Variants in PCDH15 observed in about 807,000 individuals in gnomAD.
PCDH15 encodes the protein protocadherin related 15.
Under a neutral mutation model 178.5 loss-of-function variants are expected in PCDH15, and 129 were observed. The observed-to-expected ratio is 0.72, with a 90% CI of 0.63 to 0.84. The LOEUF (loss-of-function observed/expected upper bound fraction) is 0.84, where lower values mean the gene tolerates loss of function less well. Ranked by LOEUF, PCDH15 falls within the 40% of genes least tolerant of loss-of-function variation. The pLI, the probability that PCDH15 is intolerant of heterozygous loss-of-function variation, is 0.00. For synonymous variants in PCDH15, 800 were observed against 732.0 expected, an observed-to-expected ratio of 1.09 and a Z score of -1.50; for missense variants, 2,230 against 2,099.9, an observed-to-expected ratio of 1.06 and a Z score of -1.21.
intron 9 of PCDH15, among the ~76,000 whole-genome samples, chr10:54,232,592 T>C (rs2054184244): frequency 6.6e-6 from 1 of 152,204 alleles, no homozygotes; most frequent in African/African-American, 2.4e-5. Flanking sequence ...CAATTTTTTA[T>C]TTTTTCTGAA....
At chr10:54,897,632 T>C (rs1000814489) in intron 2 of PCDH15, 1 of 152,198 alleles carries the variant, frequency 6.6e-6, no homozygotes, top group Admixed American at 6.6e-5. Flanking sequence ...TGTTTACATA[T>C]TTTGTAGCTT....
intron 2 of PCDH15, among the ~76,000 whole-genome samples, chr10:55,465,273 T>C (rs1051563921): frequency 6.6e-6 from 1 of 152,180 alleles, no homozygotes; most frequent in Non-Finnish European, 1.5e-5. Flanking sequence ...GAGGCAGTAT[T>C]TCTTTAGGTT....
At chr10:54,122,276 A>G (rs1173643733) in intron 15 of PCDH15, among the ~76,000 whole-genome samples, 1 of 152,078 alleles carries the variant, frequency 6.6e-6, no homozygotes, top group Non-Finnish European at 1.5e-5. Flanking sequence ...CCATATGATC[A>G]CCTCGAGAGA....
At chr10:54,418,900 C>A (rs1299717077) in intron 3 of PCDH15, among the ~76,000 whole-genome samples, 1 of 151,636 alleles carries the variant, frequency 6.6e-6, no homozygotes, top group Admixed American at 6.6e-5. Flanking sequence ...GGGTTGATGT[C>A]CGTAGAGAAT....
intron 2 of PCDH15, among the ~76,000 whole-genome samples, chr10:55,354,185 G>C (rs1311764257): frequency 6.6e-6 from 1 of 151,984 alleles, no homozygotes; most frequent in Non-Finnish European, 1.5e-5. Context: ...CAGTAAACTA[G>C]ATATCATATC....
chr10:54,115,400 T>G (rs1245347290), intron 15 of PCDH15, among the ~76,000 whole-genome samples: 3 of 152,188 alleles, frequency 2.0e-5, no homozygotes, highest in Non-Finnish European at 4.4e-5. Flanking sequence ...CATGATATGC[T>G]TCACACATCC....
chr10:54,370,221 G>A (rs1947449627), intron 4 of PCDH15, among the ~76,000 whole-genome samples: 1 of 151,870 alleles, frequency 6.6e-6, no homozygotes, highest in South Asian at 2.1e-4. Context: ...GTATTTCTTT[G>A]TGATTTTTAA....
At chr10:55,477,355 A>T (rs2132113711) in intron 2 of PCDH15, among the ~76,000 whole-genome samples, 1 of 152,034 alleles carries the variant, frequency 6.6e-6, no homozygotes, top group East Asian at 1.9e-4. Flanking sequence ...TGAAGGACAG[A>T]ACTCAAGCAT....
chr10:55,395,665 C>T (rs1837910355), intron 2 of PCDH15, among the ~76,000 whole-genome samples: 1 of 151,946 alleles, frequency 6.6e-6, no homozygotes, highest in African/African-American at 2.4e-5. Flanking sequence ...AGCAGGTAAG[C>T]AAGTTTGGAA....
At position 55,489,145 on chromosome 10, in the gene PCDH15, C is replaced by CT. The variant is rs569361327; in HGVS notation, c.-156+138479dup. On this transcript the variant is annotated intron_variant, in intron 2 of 5. Transcript: ENST00000613346. ...CTTAAACCACCATCACTTTTATTTTCTTTTAAAAGAAAAATAATTACCTAC... is the reference window on the plus strand; with the variant it reads ...CTTAAACCACCATCACTTTTATTTTCTTTTTAAAAGAAAAATAATTACCTAC... 4.8e-3 allele frequency among the ~76,000 whole-genome samples: 725 copies of CT among 151,474 alleles called. 8 individuals are homozygous for CT. The highest frequency in any genetic ancestry group is 0.017 in the African/African-American group (686 of 41,438).
chr10:54,307,591 T>C (rs920197650), intron 8 of PCDH15, among the ~76,000 whole-genome samples: 1 of 152,014 alleles, frequency 6.6e-6, no homozygotes, highest in Non-Finnish European at 1.5e-5. Flanking sequence ...TATCACCTTG[T>C]GGCATTTGGC....
intron 2 of PCDH15, among the ~76,000 whole-genome samples, chr10:55,050,768 T>C (rs1841142694): frequency 6.6e-6 from 1 of 152,076 alleles, no homozygotes; most frequent in African/African-American, 2.4e-5. Context: ...AGTCTGAAAA[T>C]CCTACAGTAC....
At chr10:54,617,572 GCATTGAT>G (rs1257599239) in intron 2 of PCDH15, among the ~76,000 whole-genome samples, 1 of 151,752 alleles carries the variant, frequency 6.6e-6, no homozygotes, top group Non-Finnish European at 1.5e-5. Context: ...GAAAGTTACA[GCATTGAT>G]GAATAGCATA....
chr10:55,258,947 G>A (rs1239943141), intron 1 of PCDH15, among the ~76,000 whole-genome samples: 1 of 151,920 alleles, frequency 6.6e-6, no homozygotes, highest in African/African-American at 2.4e-5. Flanking sequence ...TGTCATGATT[G>A]CTTCCTTACT....
At chr10:54,990,194 T>A (rs568193492) in intron 2 of PCDH15, among the ~76,000 whole-genome samples, 30 of 152,354 alleles carry the variant, frequency 2.0e-4, no homozygotes, top group African/African-American at 6.3e-4. Context: ...GGAGATCTGT[T>A]ATGAAAATTG....
At chr10:54,575,552 C>T (rs1451708944) in intron 2 of PCDH15, among the ~76,000 whole-genome samples, 1 of 151,902 alleles carries the variant, frequency 6.6e-6, no homozygotes, top group Non-Finnish European at 1.5e-5. Context: ...AAAATATTTC[C>T]ATCTATATCA....
intron 15 of PCDH15, among the ~76,000 whole-genome samples, chr10:54,117,091 A>G (rs2095127168): frequency 6.6e-6 from 1 of 152,068 alleles, no homozygotes; most frequent in African/African-American, 2.4e-5. Flanking sequence ...GGCTTGTTCC[A>G]CCTATGCAGC....
chr10:55,287,024 T>A (rs1842889269), intron 1 of PCDH15, among the ~76,000 whole-genome samples: 1 of 152,018 alleles, frequency 6.6e-6, no homozygotes, highest in African/African-American at 2.4e-5. Context: ...TTATTTTATA[T>A]TTAGAACTCA....
intron 1 of PCDH15, among the ~76,000 whole-genome samples, chr10:55,192,608 A>G (rs1423328404): frequency 6.6e-6 from 1 of 151,788 alleles, no homozygotes; most frequent in East Asian, 1.9e-4. Flanking sequence ...GCAAATAATT[A>G]ATCTTGATAT....
Sources: allele counts gnomAD v4.1 joint callset (sites outside exome capture counted in the v4.1 genomes callset), GRCh38; gene constraint gnomAD v4.1.1; transcripts MANE v1.5; gene names NCBI Gene and HGNC (gene_info 2026-07-23, HGNC 2026-07-21).